GPAT4: variants seen among roughly 807,000 people sequenced by gnomAD.
GPAT4 encodes the protein 1-AGP acyltransferase 6.
In GPAT4, 17 loss-of-function variants were observed where a neutral mutation model predicts 58.0. The ratio of observed to expected loss-of-function variants is 0.29; its 90% CI spans 0.20 to 0.44. The LOEUF (loss-of-function observed/expected upper bound fraction) is 0.44. GPAT4 is among the 20% of genes least tolerant of loss of function. The pLI, the probability that GPAT4 is intolerant of heterozygous loss-of-function variation, is 1.00. For missense variants in GPAT4, 377 were observed against 574.5 expected, an observed-to-expected ratio of 0.66 and a Z score of 3.51; for synonymous variants, 204 against 210.1, an observed-to-expected ratio of 0.97 and a Z score of 0.25.
chr8:41,609,108 A>G (rs1803363911), intron 2 of GPAT4, among the ~76,000 whole-genome samples: 1 of 152,246 alleles, frequency 6.6e-6, no homozygotes, highest in South Asian at 2.1e-4. Flanking sequence ...CTGTGCTGTC[A>G]GCAAGTGAGC....
chr8:41,603,175 C>T (rs1803150358), intron 2 of GPAT4, among the ~76,000 whole-genome samples: 1 of 152,196 alleles, frequency 6.6e-6, no homozygotes, highest in African/African-American at 2.4e-5. Flanking sequence ...AGATCGTCTT[C>T]ATTTTGCCGT....
At chr8:41,620,010 A>G (rs1017704510) in intron 12 of GPAT4, among the ~76,000 whole-genome samples, 4 of 152,238 alleles carry the variant, frequency 2.6e-5, no homozygotes, top group Non-Finnish European at 4.4e-5. Context: ...AAGTCATAAC[A>G]TTAGCACTGG....
intron 1 of GPAT4, among the ~76,000 whole-genome samples, chr8:41,596,386 A>G (rs1349439771): frequency 6.6e-6 from 1 of 152,240 alleles, no homozygotes; most frequent in African/African-American, 2.4e-5. Context: ...CAAAGTATCA[A>G]GCAATCCAAG....
At chr8:41,604,366 A>T (rs1803196447) in intron 2 of GPAT4, among the ~76,000 whole-genome samples, 1 of 152,214 alleles carries the variant, frequency 6.6e-6, no homozygotes, top group African/African-American at 2.4e-5. Flanking sequence ...TGGAGAGGAT[A>T]TGGGTGGATC....
chr8:41,599,228 T>C lies in GPAT4; in HGVS notation c.89T>C (p.Ile30Thr). The change falls in exon 2 of 13, where the codon ATC becomes ACC. Residue 30 changes from isoleucine to threonine, a missense_variant. Ile to Thr is a moderately conservative substitution (Grantham distance 89, BLOSUM62 -1). Transcript: ENST00000396987. ...CTCTTCACCCTCCTTCTCGTTTTCA[T>C]CATAGTGCCAGCCATTTTTGGAGTC... is the stretch of plus-strand genomic sequence containing the variant. ...TVLFTLLLVF[I>T]IVPAIFGVSF... The C allele has an allele frequency of 6.2e-7, 1 of 1,614,134 alleles. No homozygotes were observed. The highest frequency in any genetic ancestry group is 8.5e-7 in the Non-Finnish European group (1 of 1,180,010).
intron 1 of GPAT4, among the ~76,000 whole-genome samples, chr8:41,581,625 C>CTTTT (rs567790530): frequency 1.4e-4 from 16 of 110,554 alleles, no homozygotes; most frequent in African/African-American, 4.1e-4. Context: ...CCTTTGTTGA[C>CTTTT]TTTTTTTTTT....
intron 1 of GPAT4, among the ~76,000 whole-genome samples, chr8:41,590,814 C>T (rs1274604519): frequency 6.6e-6 from 1 of 152,148 alleles, no homozygotes; most frequent in Non-Finnish European, 1.5e-5. Flanking sequence ...TGGAGCCGTA[C>T]AGAGGAACTG....
intron 2 of GPAT4, 36 bp downstream of exon 2, chr8:41,599,340 G>C: frequency 6.2e-7 from 1 of 1,610,588 alleles, no homozygotes; most frequent in South Asian, 1.1e-5. Flanking sequence ...GCTTCACAGA[G>C]GAGGGTAGAA....
At chr8:41,594,282 G>A (rs564146962) in intron 1 of GPAT4, among the ~76,000 whole-genome samples, 16 of 152,044 alleles carry the variant, frequency 1.1e-4, no homozygotes, top group Non-Finnish European at 2.1e-4. Flanking sequence ...TAAAACTTGC[G>A]TAAACCTTTA....
chr8:41,595,764 C>G (rs1802914311), intron 1 of GPAT4, among the ~76,000 whole-genome samples: 1 of 151,994 alleles, frequency 6.6e-6, no homozygotes, highest in Admixed American at 6.6e-5. Context: ...CTCTCTCTGC[C>G]TCTCTCCCTC....
rs1802412136 is a variant in GPAT4, at chr8:41,578,226, G to C, written c.-901G>C. ...CAGCTTGGGCCCGCGGCGGCGGCAA[G>C]GGCGGGAGGGAGCGGTCGCCGCGGG... is the stretch of plus-strand genomic sequence containing the variant. On this transcript the variant is annotated 5_prime_UTR_variant, in exon 1 of 13. Transcript: ENST00000396987. 1 of 151,770 alleles carries C rather than the reference G, an allele frequency of 6.6e-6. No individual in the cohort carries two copies. Among genetic ancestry groups the C allele is most frequent in the South Asian group, 2.1e-4 (1 of 4,840 alleles). The allele number at this position is 151,770 out of a possible 1,614,324, so 9.4% of individuals were successfully genotyped here.
intron 2 of GPAT4, among the ~76,000 whole-genome samples, chr8:41,603,924 T>G (rs1803179031): frequency 6.6e-6 from 1 of 152,040 alleles, no homozygotes; most frequent in South Asian, 2.1e-4. Flanking sequence ...AATGAATGAA[T>G]GGTGTATTCA....
intron 1 of GPAT4, among the ~76,000 whole-genome samples, chr8:41,594,257 T>G (rs1802863547): frequency 6.6e-6 from 1 of 152,212 alleles, no homozygotes; most frequent in African/African-American, 2.4e-5. Flanking sequence ...AGAATTTTCT[T>G]TACAATTAAC....
intron 10 of GPAT4, among the ~76,000 whole-genome samples, chr8:41,616,281 C>G (rs535060706): frequency 6.6e-6 from 1 of 152,278 alleles, no homozygotes; most frequent in South Asian, 2.1e-4. Flanking sequence ...GGCCCCACAC[C>G]CAGGGTTTCT....
chr8:41,600,369 A>G (rs958959294), intron 2 of GPAT4, among the ~76,000 whole-genome samples: 1 of 152,092 alleles, frequency 6.6e-6, no homozygotes, highest in Non-Finnish European at 1.5e-5. Flanking sequence ...TTTTGAGAGT[A>G]ACTTTTATCG....
chr8:41,600,116 G>T (rs1803047081), intron 2 of GPAT4, among the ~76,000 whole-genome samples: 1 of 140,960 alleles, frequency 7.1e-6, no homozygotes, highest in South Asian at 2.2e-4. Flanking sequence ...ACGGCTCACT[G>T]CAACCCCTGC....
Position 41,599,007 on chromosome 8 carries a change from G to C in GPAT4, c.-133G>C. On this transcript the variant is annotated 5_prime_UTR_variant, in exon 2 of 13. Transcript: ENST00000396987. ...TCTATTCAGGCGGTTGAAGGGTGTG[G>C]ACTTTGGAATGGGGTTTGCTGTTCT... 2 of 1,225,994 alleles carry C rather than the reference G, an allele frequency of 1.6e-6. No individual in the cohort carries two copies. The highest frequency in any genetic ancestry group is 2.3e-6 in the Non-Finnish European group (2 of 879,292). 75.9% of individuals were successfully genotyped at this position (1,225,994 alleles called of 1,614,324 possible).
At chr8:41,600,036 C>CTTTTCTTT (rs1554502474) in intron 2 of GPAT4, among the ~76,000 whole-genome samples, 10 of 100,330 alleles carry the variant, frequency 1.0e-4, no homozygotes, top group Non-Finnish European at 1.7e-4. Context: ...TTTTTCTTTT[C>CTTTTCTTT]TTTTTTTTTT....
At chr8:41,608,305 C>T (rs1034249781) in intron 2 of GPAT4, among the ~76,000 whole-genome samples, 1 of 152,244 alleles carries the variant, frequency 6.6e-6, no homozygotes. Flanking sequence ...CACCATGTGC[C>T]CTGGGCCACG....
Sources: allele counts gnomAD v4.1 joint callset (sites outside exome capture counted in the v4.1 genomes callset), GRCh38; gene constraint gnomAD v4.1.1; transcripts MANE v1.5; gene names NCBI Gene and HGNC (gene_info 2026-07-23, HGNC 2026-07-21).